The following WASF1 variants were observed in gnomAD, a reference collection of about 807,000 sequenced individuals.
WASF1 encodes the protein actin-binding protein WASF1.
A neutral mutation model predicts 50.5 loss-of-function variants in WASF1; 7 were observed. The observed-to-expected ratio is 0.14, with a 90% confidence interval of 0.08 to 0.26. WASF1 has a LOEUF of 0.26. Among genes scored for constraint, WASF1 ranks in the 10% least tolerant of loss-of-function variants. The probability of loss-of-function intolerance (pLI) is 1.00; values close to 1 mark genes in which losing one functional copy is unlikely to be tolerated. For synonymous variants in WASF1, 205 were observed against 244.0 expected (o/e 0.84, Z 1.49); for missense variants, 470 against 694.7 (o/e 0.68, Z 3.64).
chr6:110,125,399 T>C (rs1316807958), intron 4 of WASF1, among the ~76,000 whole-genome samples: 1 of 152,228 alleles, frequency 6.6e-6, no homozygotes, highest in Non-Finnish European at 1.5e-5. Flanking sequence ...TTGGTTGGGT[T>C]CAGTGATGCC....
chr6:110,118,346 GCAAA>G (rs1773906818), intron 4 of WASF1, among the ~76,000 whole-genome samples: 2 of 4,736 alleles, frequency 4.2e-4, no homozygotes, highest in South Asian at 0.011. Flanking sequence ...CAAACGGAAA[GCAAA>G]AAAAAAAAAA....
intron 3 of WASF1, among the ~76,000 whole-genome samples, chr6:110,139,277 G>A (rs147759306): frequency 4.6e-5 from 7 of 152,208 alleles, no homozygotes; most frequent in African/African-American, 9.6e-5. Context: ...CCAAGAGCAC[G>A]GGGATGGCCA....
chr6:110,104,829 T>A (rs1773247399), intron 8 of WASF1, among the ~76,000 whole-genome samples: 1 of 152,100 alleles, frequency 6.6e-6, no homozygotes, highest in Admixed American at 6.5e-5. Context: ...CAAATAAGTG[T>A]CTTCGTAGAC....
At position 110,108,575 on chromosome 6, in the gene WASF1, G is replaced by A. The variant is rs929408233; in HGVS notation, c.375C>T (p.Tyr125=). The stretch of plus-strand genomic sequence containing the variant: ...GAGGTGGAGGCTGTTCACAAACATC[G>A]TACGTCTCCTGTAATGGAATAGGCA... ...KTLPIPLQET[Y]DVCEQPPPLN... The change falls in exon 6 of 11, where the codon TAC becomes TAT. Residue 125 remains tyrosine (Y), a synonymous_variant. Coordinates refer to ENST00000392589, the MANE Select transcript of WASF1 (RefSeq NM_003931.3). The A allele has an allele frequency of 8.1e-6, 13 of 1,613,866 alleles. No individual in the cohort carries two copies. The highest frequency in any genetic ancestry group is 5.0e-5 in the Admixed American group (3 of 60,000).
At chr6:110,109,226 A>T (rs1773453125) in intron 5 of WASF1, among the ~76,000 whole-genome samples, 1 of 152,146 alleles carries the variant, frequency 6.6e-6, no homozygotes, top group African/African-American at 2.4e-5. Context: ...GGTGATCTAT[A>T]TTATTCTCTT....
chr6:110,111,185 T>C (rs1046701957), intron 5 of WASF1, among the ~76,000 whole-genome samples: 1 of 152,204 alleles, frequency 6.6e-6, no homozygotes, highest in African/African-American at 2.4e-5. Context: ...TATTATTTGA[T>C]GGCATAAATT....
intron 4 of WASF1, among the ~76,000 whole-genome samples, chr6:110,118,839 C>A (rs1014575094): frequency 2.6e-5 from 4 of 152,216 alleles, no homozygotes; most frequent in African/African-American, 9.7e-5. Flanking sequence ...TCACAACGAA[C>A]TGTCCCTCAG....
In WASF1 at chr6:110,160,617, A is replaced by G. The variant is rs2114601399; in HGVS notation, c.-29+18T>C. ...CTATCAGGAGTTGCCATTGAGATAC[A>G]TTACTTCTTAATTTTACCTTGAAGA... On this transcript the variant is annotated intron_variant, in intron 3 of 10. Coordinates refer to ENST00000392589, the MANE Select transcript of WASF1 (RefSeq NM_003931.3). 6.6e-6 allele frequency: 1 copy of G among 151,880 alleles called. No homozygotes were observed. Among genetic ancestry groups the G allele is most frequent in the Admixed American group, 6.6e-5 (1 of 15,232 alleles). 9.4% of individuals were successfully genotyped at this position (151,880 alleles called of 1,614,324 possible). A position where few individuals can be genotyped will look rare whatever the true frequency, so the allele number is the denominator to read the frequency against.
intron 2 of WASF1, among the ~76,000 whole-genome samples, chr6:110,167,600 T>C (rs1469013722): frequency 6.6e-6 from 1 of 152,064 alleles, no homozygotes; most frequent in Non-Finnish European, 1.5e-5. Context: ...TATTTTTATC[T>C]AAGCTCACTT....
At chr6:110,115,703 G>A (rs1773774627) in intron 4 of WASF1, among the ~76,000 whole-genome samples, 2 of 152,184 alleles carry the variant, frequency 1.3e-5, no homozygotes, top group Admixed American at 6.5e-5. Context: ...AATCCCAACA[G>A]AGAACATCAT....
chr6:110,151,745 C>T (rs1775835058), intron 3 of WASF1, among the ~76,000 whole-genome samples: 1 of 152,070 alleles, frequency 6.6e-6, no homozygotes, highest in Non-Finnish European at 1.5e-5. Flanking sequence ...CAACTTTCTA[C>T]TGTTTCTTAA....
chr6:110,114,795 CT>C (rs1289335180), intron 4 of WASF1, among the ~76,000 whole-genome samples: 1 of 148,950 alleles, frequency 6.7e-6, no homozygotes, highest in Non-Finnish European at 1.5e-5. Context: ...ATGTATGCTG[CT>C]TGAAAAAAAA....
At chr6:110,154,400 G>T (rs142215689) in intron 3 of WASF1, among the ~76,000 whole-genome samples, 7 of 151,958 alleles carry the variant, frequency 4.6e-5, no homozygotes, top group African/African-American at 1.7e-4. Context: ...CTTTAGAAAA[G>T]AATTCTAAAG....
At chr6:110,160,274 T>C (rs753415408) in intron 3 of WASF1, among the ~76,000 whole-genome samples, 46 of 151,956 alleles carry the variant, frequency 3.0e-4, no homozygotes, top group Non-Finnish European at 4.9e-4. Context: ...AAACGAGATA[T>C]AGGACTCTTT....
At chr6:110,174,693 G>T (rs1272926008) in intron 2 of WASF1, among the ~76,000 whole-genome samples, 1 of 152,130 alleles carries the variant, frequency 6.6e-6, no homozygotes, top group Non-Finnish European at 1.5e-5. Flanking sequence ...CATCTATACA[G>T]AATCTTGTAC....
chr6:110,135,975 C>T lies in WASF1; in HGVS notation c.-28-8346G>A, dbSNP rs183493197. On this transcript the variant is annotated intron_variant, in intron 3 of 10. Transcript: ENST00000392589. Reference sequence around the variant, plus strand: ...CTCAACTCACTGCAAGCTCCGCCTCCCGGGTTCATGCCATTCTTCTGCCTC... The same window carrying T: ...CTCAACTCACTGCAAGCTCCGCCTCTCGGGTTCATGCCATTCTTCTGCCTC... 3.1e-4 allele frequency among the ~76,000 whole-genome samples: 46 copies of T among 150,664 alleles called. No homozygotes were observed. In the East Asian group the frequency reaches 8.6e-3, roughly 28 times the overall value.
At chr6:110,153,326 C>T (rs1775907369) in intron 3 of WASF1, among the ~76,000 whole-genome samples, 1 of 152,028 alleles carries the variant, frequency 6.6e-6, no homozygotes, top group Non-Finnish European at 1.5e-5. Flanking sequence ...ATAGTTTAAC[C>T]AAATCTACTG....
Position 110,100,486 on chromosome 6 carries a change from G to T in WASF1, c.*36C>A, listed in dbSNP as rs745512705. 1 of 1,569,118 alleles carries T rather than the reference G, an allele frequency of 6.4e-7. No homozygotes were observed. On this transcript the variant is annotated 3_prime_UTR_variant, in exon 11 of 11. Transcript: ENST00000392589. ...GGAACAAGCACCACAAAGGACATTTGCATTCAGTTTTGTAATATTTATCAA... is the reference window on the plus strand; with the variant it reads ...GGAACAAGCACCACAAAGGACATTTTCATTCAGTTTTGTAATATTTATCAA...
intron 3 of WASF1, among the ~76,000 whole-genome samples, chr6:110,129,504 T>A (rs939010181): frequency 3.3e-5 from 5 of 152,110 alleles, no homozygotes; most frequent in Admixed American, 3.3e-4. Context: ...AAAGAAGGAA[T>A]ATGTTCCAAA....
Sources: allele counts gnomAD v4.1 joint callset (sites outside exome capture counted in the v4.1 genomes callset), GRCh38; gene constraint gnomAD v4.1.1; transcripts MANE v1.5; gene names NCBI Gene and HGNC (gene_info 2026-07-23, HGNC 2026-07-21).